Variants in ABCA1 observed in about 807,000 individuals in gnomAD.
ABCA1 encodes the protein phospholipid-transporting ATPase ABCA1.
A neutral mutation model predicts 262.5 loss-of-function variants in ABCA1; 133 were observed. That is an observed-to-expected ratio of 0.51 (90% CI 0.44 to 0.59). The LOEUF is 0.59. Among genes scored for constraint, ABCA1 ranks in the 20% least tolerant of loss-of-function variants. The pLI is 0.00. For synonymous variants in ABCA1, 1,022 were observed against 1,043.5 expected (o/e 0.98, Z 0.40); for missense variants, 2,452 against 2,777.5 (o/e 0.88, Z 2.63).
At chr9:104,886,411 C>A (rs1354901403) in intron 3 of ABCA1, among the ~76,000 whole-genome samples, 1 of 152,210 alleles carries the variant, frequency 6.6e-6, no homozygotes, top group Non-Finnish European at 1.5e-5. Context: ...ACTGTGGCCA[C>A]CCTCTGCAGG....
chr9:104,810,851 G>C lies in ABCA1; in HGVS notation c.4124C>G (p.Pro1375Arg). ...CATCCAGGGCTGAAGTTCCAGGCTG[G>C]GGTACTTGCCAAAGGGTGGCACGAT... ...SLIVPPFGKYPSLELQPWMYN... is the reference protein window; with the variant it reads ...SLIVPPFGKYRSLELQPWMYN... The change falls in exon 29 of 50, where the codon CCC becomes CGC. Residue 1375 changes from proline to arginine, a missense_variant. This residue lies in a region of ABCA1 where 665 missense variants were observed against 727.3 expected (regional missense o/e 0.91). Transcript: ENST00000374736. The C allele has an allele frequency of 1.2e-6, 2 of 1,614,196 alleles. No homozygotes were observed. Among genetic ancestry groups the C allele is most frequent in the South Asian group, 2.2e-5 (2 of 91,082 alleles).
intron 1 of ABCA1, among the ~76,000 whole-genome samples, chr9:104,913,635 G>A (rs748752384): frequency 7.9e-5 from 12 of 152,188 alleles, no homozygotes; most frequent in African/African-American, 2.2e-4. Flanking sequence ...AGCATTATAC[G>A]GTATCCTGTT....
Position 104,817,139 on chromosome 9 carries a change from C to T in ABCA1, c.3535+193G>A, listed in dbSNP as rs556154723. 7 of 910,238 alleles carry T rather than the reference C, an allele frequency of 7.7e-6. No homozygotes were observed. The African/African-American group carries it at 1.3e-4, about 16-fold the overall frequency. 56.4% of individuals were successfully genotyped at this position (910,238 alleles called of 1,614,324 possible). ...CTGCCCTGCTAGCTCCCAAACCGAG[C>T]CCCAGGCACCCCAGCAAGCATTAGG... On this transcript the variant is annotated intron_variant, in intron 24 of 49. Coordinates refer to ENST00000374736, the MANE Select transcript of ABCA1 (RefSeq NM_005502.4). This position sits in a 1 kb window ranked among gnomAD's most constrained non-coding sequence, Gnocchi z 4.7.
intron 2 of ABCA1, among the ~76,000 whole-genome samples, chr9:104,900,670 T>A (rs1295845012): frequency 6.6e-6 from 1 of 152,182 alleles, no homozygotes; most frequent in Non-Finnish European, 1.5e-5. Context: ...TCTGCAACTG[T>A]AGGGCCACCA....
chr9:104,812,487 A>T, intron 28 of ABCA1, 87 bp downstream of exon 28: 1 of 1,553,152 alleles, frequency 6.4e-7, no homozygotes, highest in Non-Finnish European at 8.8e-7. Context: ...CCATATCTTG[A>T]CCAGGATGCT....
At chr9:104,811,423 A>G (rs1831269001) in intron 28 of ABCA1, among the ~76,000 whole-genome samples, 1 of 152,196 alleles carries the variant, frequency 6.6e-6, no homozygotes, top group Admixed American at 6.5e-5. Flanking sequence ...TTCAAATCCT[A>G]CACTATAATA....
At chr9:104,910,151 G>T (rs1841409452) in intron 1 of ABCA1, among the ~76,000 whole-genome samples, 1 of 152,118 alleles carries the variant, frequency 6.6e-6, no homozygotes, top group Non-Finnish European at 1.5e-5. Context: ...CTCCAAGCAG[G>T]GATCATACAA....
intron 2 of ABCA1, among the ~76,000 whole-genome samples, chr9:104,898,692 C>G (rs552480917): frequency 6.6e-6 from 1 of 152,286 alleles, no homozygotes; most frequent in Admixed American, 6.5e-5. Context: ...ATTCACTCCA[C>G]CAGTGCCACT....
intron 1 of ABCA1, among the ~76,000 whole-genome samples, chr9:104,925,761 A>G (rs185351917): frequency 9.8e-5 from 15 of 152,310 alleles, no homozygotes; most frequent in Non-Finnish European, 4.4e-5. Context: ...TTTGAAAAAT[A>G]TTGTAATATC....
At chr9:104,923,375 T>C (rs1284867898) in intron 1 of ABCA1, among the ~76,000 whole-genome samples, 5 of 152,242 alleles carry the variant, frequency 3.3e-5, no homozygotes, top group African/African-American at 4.8e-5. Context: ...ATAGTTTTCA[T>C]TATGAACCAA....
intron 44 of ABCA1, among the ~76,000 whole-genome samples, chr9:104,789,433 A>T (rs1197547695): frequency 6.6e-6 from 1 of 152,228 alleles, no homozygotes; most frequent in Non-Finnish European, 1.5e-5. Flanking sequence ...TTACATTGCT[A>T]CTGCAAAAAT....
chr9:104,880,103 T>G (rs1838497939), intron 5 of ABCA1, among the ~76,000 whole-genome samples: 1 of 152,102 alleles, frequency 6.6e-6, no homozygotes, highest in East Asian at 1.9e-4. Flanking sequence ...TAGTGAGTGG[T>G]AGATCCCCGC....
intron 2 of ABCA1, among the ~76,000 whole-genome samples, chr9:104,891,463 G>T (rs1028889160): frequency 5.3e-5 from 8 of 152,004 alleles, no homozygotes; most frequent in African/African-American, 1.7e-4. Context: ...GGGCATGGGG[G>T]TGTATGCCTG....
intron 5 of ABCA1, among the ~76,000 whole-genome samples, chr9:104,872,997 AC>A (rs1473149699): frequency 1.3e-5 from 2 of 149,796 alleles, no homozygotes; most frequent in African/African-American, 2.5e-5. Context: ...GTTGCTCCCC[AC>A]CCCCACCTGC....
chr9:104,895,513 G>A (rs1186257459), intron 2 of ABCA1, among the ~76,000 whole-genome samples: 2 of 152,190 alleles, frequency 1.3e-5, no homozygotes, highest in Non-Finnish European at 2.9e-5. Flanking sequence ...GGGTGAGGGT[G>A]GGGTGGGGTA....
At position 104,794,438 on chromosome 9, in the gene ABCA1, G is replaced by A; in HGVS notation, c.5455C>T (p.Leu1819Phe). ...IFPHFCLGRG[L>F]IDMVKNQAMA... ...GCCTGGTTTTTCACCATGTCGATGA[G>A]CCCTCGTCCCAGGCAAAAATGTGGG... The change falls in exon 40 of 50, where the codon CTC becomes TTC. Residue 1819 changes from leucine (L) to phenylalanine (F), a missense_variant. By Grantham distance (22) the Leu-to-Phe change is conservative. This residue lies in a region of ABCA1 where 752 missense variants were observed against 944.5 expected (regional missense o/e 0.80). Transcript: ENST00000374736. 6.2e-7 allele frequency: 1 copy of A among 1,608,258 alleles called. No homozygotes were observed. Among genetic ancestry groups the A allele is most frequent in the Non-Finnish European group, 8.5e-7 (1 of 1,177,830 alleles).
At chr9:104,889,057 T>C in intron 3 of ABCA1, 45 bp downstream of exon 3, 1 of 1,553,704 alleles carries the variant, frequency 6.4e-7, no homozygotes, top group Non-Finnish European at 8.9e-7. Flanking sequence ...TGCCTGGATT[T>C]TCCCTGCCAT....
In ABCA1 at chr9:104,887,135, G is replaced by A. The variant is rs561920311; in HGVS notation, c.160+1967C>T. Among the ~76,000 whole-genome samples, 9 of 152,250 alleles carry A rather than the reference G, an allele frequency of 5.9e-5. No individual in the cohort carries two copies. In the East Asian group the frequency reaches 9.7e-4, roughly 16 times the overall value. ...TCTACTAAAAATACAAAAATTAGCC[G>A]GACGTGGTGGCACATGCCTGTAGTC... On this transcript the variant is annotated intron_variant, in intron 3 of 49. Transcript: ENST00000374736.
intron 19 of ABCA1, among the ~76,000 whole-genome samples, chr9:104,821,857 G>A (rs1311582559): frequency 6.6e-6 from 1 of 152,180 alleles, no homozygotes; most frequent in East Asian, 1.9e-4. Context: ...CAATTTTTGT[G>A]TTAGGTAGTA....
Sources: allele counts gnomAD v4.1 joint callset (sites outside exome capture counted in the v4.1 genomes callset), GRCh38; gene constraint gnomAD v4.1.1; regional missense constraint gnomAD v4.1.1; non-coding constraint Gnocchi (gnomAD v3.1); transcripts MANE v1.5; gene names NCBI Gene and HGNC (gene_info 2026-07-23, HGNC 2026-07-21).